The following JAZF1 variants were observed in gnomAD, a reference collection of about 807,000 sequenced individuals.
JAZF1 encodes the protein JAZF zinc finger 1.
A neutral mutation model predicts 26.4 loss-of-function variants in JAZF1; 8 were observed. The observed-to-expected ratio is 0.30, with a 90% CI of 0.18 to 0.55. The LOEUF (loss-of-function observed/expected upper bound fraction) is 0.55. Among genes scored for constraint, JAZF1 ranks in the 20% least tolerant of loss-of-function variants. The pLI, the probability that JAZF1 is intolerant of heterozygous loss-of-function variation, is 0.94. For synonymous variants in JAZF1, 126 were observed against 122.3 expected (o/e 1.03, Z -0.20); for missense variants, 199 against 322.0 (o/e 0.62, Z 2.92).
intron 1 of JAZF1, among the ~76,000 whole-genome samples, chr7:28,161,935 T>C (rs1379178386): frequency 6.6e-6 from 1 of 152,136 alleles, no homozygotes; most frequent in East Asian, 1.9e-4. Context: ...AGTACCTCCT[T>C]TGCAGCCTTT....
chr7:28,173,505 C>T (rs1223697780), intron 1 of JAZF1, among the ~76,000 whole-genome samples: 1 of 152,118 alleles, frequency 6.6e-6, no homozygotes, highest in African/African-American at 2.4e-5. Context: ...AGATATCCTA[C>T]ATGCCTTTGT....
intron 1 of JAZF1, among the ~76,000 whole-genome samples, chr7:28,154,445 G>A (rs1373027308): frequency 6.6e-6 from 1 of 152,140 alleles, no homozygotes; most frequent in Non-Finnish European, 1.5e-5. Context: ...AGATCCTCTG[G>A]TCAAACTTAA....
At chr7:27,949,655 C>A (rs1488556975) in intron 2 of JAZF1, among the ~76,000 whole-genome samples, 1 of 152,116 alleles carries the variant, frequency 6.6e-6, no homozygotes, top group South Asian at 2.1e-4. Context: ...CCCAGCTACT[C>A]GGGAGTCTGA....
Position 28,012,199 on chromosome 7 carries a change from A to G in JAZF1, c.116-20218T>C, listed in dbSNP as rs540228253. ...TCAGCTAAATCACAACCAGAAATGCACTGGTATGTATTTCATTCACCGTGT... is the reference window on the plus strand; with the variant it reads ...TCAGCTAAATCACAACCAGAAATGCGCTGGTATGTATTTCATTCACCGTGT... On this transcript the variant is annotated intron_variant, in intron 1 of 4. Transcript: ENST00000283928. Among the ~76,000 whole-genome samples the G allele has an allele frequency of 1.6e-4, 25 of 152,308 alleles. No individual in the cohort carries two copies. The South Asian group carries it at 5.2e-3, about 32-fold the overall frequency.
intron 1 of JAZF1, among the ~76,000 whole-genome samples, chr7:28,179,476 G>T (rs1783600157): frequency 6.6e-6 from 1 of 151,892 alleles, no homozygotes; most frequent in Non-Finnish European, 1.5e-5. Context: ...CCGATCCCAG[G>T]GCGCAGCCAG....
intron 3 of JAZF1, among the ~76,000 whole-genome samples, chr7:27,846,930 C>T (rs1783041115): frequency 6.6e-6 from 1 of 152,062 alleles, no homozygotes; most frequent in African/African-American, 2.4e-5. Context: ...GTTTCCTTTG[C>T]TGTGCAGAAG....
intron 1 of JAZF1, among the ~76,000 whole-genome samples, chr7:28,093,219 G>A (rs1784330941): frequency 6.6e-6 from 1 of 152,148 alleles, no homozygotes; most frequent in Non-Finnish European, 1.5e-5. Flanking sequence ...TGTTGTGGGA[G>A]GGACCAGGTG....
At chr7:27,946,574 A>G (rs1583474885) in intron 2 of JAZF1, among the ~76,000 whole-genome samples, 1 of 152,210 alleles carries the variant, frequency 6.6e-6, no homozygotes, top group Non-Finnish European at 1.5e-5. Flanking sequence ...AGTGGCTTCC[A>G]AAAATAGATT....
At chr7:27,875,470 G>A (rs888511496) in intron 3 of JAZF1, among the ~76,000 whole-genome samples, 4 of 152,026 alleles carry the variant, frequency 2.6e-5, no homozygotes, top group African/African-American at 4.8e-5. Context: ...TCCCCTCAAC[G>A]TAGCAAAAAG....
At chr7:27,835,681 CTA>C (rs1278534886) in intron 4 of JAZF1, among the ~76,000 whole-genome samples, 1 of 152,180 alleles carries the variant, frequency 6.6e-6, no homozygotes, top group Non-Finnish European at 1.5e-5. Flanking sequence ...AAGTGAGACT[CTA>C]TTAAGACATT....
At chr7:27,978,705 T>C (rs1441841050) in intron 2 of JAZF1, among the ~76,000 whole-genome samples, 1 of 152,184 alleles carries the variant, frequency 6.6e-6, no homozygotes, top group Admixed American at 6.5e-5. Context: ...CAGGTACATA[T>C]GAGAATTATA....
chr7:28,110,620 G>GAAAAGGA (rs148543007), intron 1 of JAZF1, among the ~76,000 whole-genome samples: 1 of 95,908 alleles, frequency 1.0e-5, no homozygotes, highest in African/African-American at 3.5e-5. Flanking sequence ...AAAGGAAAAG[G>GAAAAGGA]AAAGGAAAGG....
chr7:27,975,332 T>C (rs903764141), intron 2 of JAZF1, among the ~76,000 whole-genome samples: 3 of 152,086 alleles, frequency 2.0e-5, no homozygotes, highest in African/African-American at 4.8e-5. Context: ...ACCAAGGGGA[T>C]AGTGCTAAAT....
chr7:28,045,617 C>T (rs189247939), intron 1 of JAZF1, among the ~76,000 whole-genome samples: 42 of 152,256 alleles, frequency 2.8e-4, no homozygotes, highest in Admixed American at 6.5e-4. Flanking sequence ...CACTCTGTCG[C>T]CAAGTTTGGA....
At chr7:28,045,812 G>C (rs1236630628) in intron 1 of JAZF1, among the ~76,000 whole-genome samples, 1 of 152,144 alleles carries the variant, frequency 6.6e-6, no homozygotes, top group East Asian at 1.9e-4. Flanking sequence ...GGCCTCAAGT[G>C]ATCCTCCTAA....
intron 2 of JAZF1, among the ~76,000 whole-genome samples, chr7:27,940,748 A>G (rs1323364280): frequency 6.6e-6 from 1 of 152,200 alleles, no homozygotes; most frequent in Admixed American, 6.5e-5. Context: ...ATTAAAATCT[A>G]AGCCTCTCAG....
intron 1 of JAZF1, among the ~76,000 whole-genome samples, chr7:28,156,669 C>T (rs909762395): frequency 1.3e-5 from 2 of 152,110 alleles, no homozygotes; most frequent in Admixed American, 6.5e-5. Context: ...TTTCTGATTT[C>T]GTAGGTGTGG....
At chr7:28,051,907 A>G (rs117104738) in intron 1 of JAZF1, among the ~76,000 whole-genome samples, 236 of 152,342 alleles carry the variant, frequency 1.5e-3, no homozygotes, top group Non-Finnish European at 2.9e-3. Context: ...CTGACAAACT[A>G]AACATTCTAG....
chr7:27,992,335 C>T (rs776949893), intron 1 of JAZF1: 64 of 409,848 alleles, frequency 1.6e-4, no homozygotes, highest in Middle Eastern at 6.7e-4. Context: ...GTTAATTATG[C>T]TCACTTCAAT....
Sources: gnomAD v4.1 joint callset for allele counts (sites outside exome capture counted in the v4.1 genomes callset) on GRCh38, gnomAD v4.1.1 for gene constraint, MANE v1.5 for transcripts, NCBI Gene and HGNC (gene_info 2026-07-23, HGNC 2026-07-21) for gene names.